Variants in RGL1 observed in about 807,000 individuals in gnomAD.
RGL1 encodes ral guanine nucleotide dissociation stimulator-like 1.
In RGL1, 24 loss-of-function variants were observed where a neutral mutation model predicts 95.2. The observed-to-expected ratio is 0.25, with a 90% CI of 0.18 to 0.35. The LOEUF is 0.35. Among genes scored for constraint, RGL1 ranks in the 10% least tolerant of loss-of-function variants. The probability of loss-of-function intolerance (pLI) is 1.00; values close to 1 mark genes in which losing one functional copy is unlikely to be tolerated. For missense variants in RGL1, 715 were observed against 936.3 expected (o/e 0.76, Z 3.08); for synonymous variants, 329 against 344.9 (o/e 0.95, Z 0.51).
chr1:183,913,955 A>G (rs1331374693), intron 15 of RGL1, among the ~76,000 whole-genome samples: 1 of 152,346 alleles, frequency 6.6e-6, no homozygotes, highest in South Asian at 2.1e-4. Context: ...CGGACTGGCC[A>G]TGCTCTCAAA....
intron 5 of RGL1, among the ~76,000 whole-genome samples, chr1:183,882,276 G>T (rs1247867645): frequency 1.3e-5 from 2 of 152,198 alleles, no homozygotes; most frequent in African/African-American, 4.8e-5. Context: ...GACACACATT[G>T]GGCTGCTGTG....
intron 14 of RGL1, among the ~76,000 whole-genome samples, chr1:183,911,678 G>A (rs1668649355): frequency 6.6e-6 from 1 of 152,152 alleles, no homozygotes; most frequent in African/African-American, 2.4e-5. Context: ...CAGATTGTTG[G>A]AAATAGAAGT....
At chr1:183,851,018 A>G (rs1421189082) in intron 3 of RGL1, among the ~76,000 whole-genome samples, 4 of 152,198 alleles carry the variant, frequency 2.6e-5, no homozygotes, top group Non-Finnish European at 4.4e-5. Context: ...ACTCATGTAC[A>G]TCCAGATTTT....
intron 2 of RGL1, among the ~76,000 whole-genome samples, chr1:183,815,600 TA>T: frequency 6.6e-6 from 1 of 152,260 alleles, no homozygotes; most frequent in South Asian, 2.1e-4. Context: ...GGAGGTAGCT[TA>T]GCACAGTGGT....
chr1:183,897,930 A>C, intron 10 of RGL1, 33 bp downstream of exon 10: 104 of 1,581,050 alleles, frequency 6.6e-5, no homozygotes, highest in Non-Finnish European at 8.5e-5. Flanking sequence ...CTGACAGCTC[A>C]CAGAGGAGAA....
At chr1:183,668,256 C>T (rs1652181198) in intron 1 of RGL1, among the ~76,000 whole-genome samples, 1 of 152,120 alleles carries the variant, frequency 6.6e-6, no homozygotes, top group Admixed American at 6.6e-5. Flanking sequence ...CAAATTCTCT[C>T]AATTTTTGCC....
chr1:183,877,368 T>C (rs1264805848), intron 4 of RGL1, among the ~76,000 whole-genome samples: 1 of 152,276 alleles, frequency 6.6e-6, no homozygotes, highest in East Asian at 1.9e-4. Flanking sequence ...CCAGTAATCC[T>C]GTTTTTCTTT....
At chr1:183,721,664 G>T (rs769470250) in intron 1 of RGL1, among the ~76,000 whole-genome samples, 1 of 152,194 alleles carries the variant, frequency 6.6e-6, no homozygotes, top group Non-Finnish European at 1.5e-5. Context: ...AGGCACCCTT[G>T]TGCCTGTTGT....
At chr1:183,642,489 T>C (rs1649992493) in intron 1 of RGL1, among the ~76,000 whole-genome samples, 1 of 152,228 alleles carries the variant, frequency 6.6e-6, no homozygotes, top group South Asian at 2.1e-4. Context: ...TTCCAAATTA[T>C]AATACTTACT....
chr1:183,924,474 G>C (rs374642102), intron 17 of RGL1, among the ~76,000 whole-genome samples: 23 of 152,216 alleles, frequency 1.5e-4, no homozygotes, highest in South Asian at 6.2e-4. Context: ...GGGCCTGTTG[G>C]GGGGTGGAAG....
At chr1:183,900,327 G>C in intron 11 of RGL1, 91 bp downstream of exon 11, 4 of 987,080 alleles carry the variant, frequency 4.1e-6, no homozygotes, top group Non-Finnish European at 4.8e-6. Context: ...TCTTTTGAAG[G>C]TCCAAAAGTA....
intron 1 of RGL1, among the ~76,000 whole-genome samples, chr1:183,660,010 G>C (rs564835136): frequency 3.0e-4 from 46 of 151,982 alleles, no homozygotes; most frequent in African/African-American, 9.7e-4. Flanking sequence ...CAAATGCTGA[G>C]AGATTTTGTC....
At chr1:183,728,559 C>T (rs1656440984) in intron 1 of RGL1, among the ~76,000 whole-genome samples, 1 of 75,416 alleles carries the variant, frequency 1.3e-5, no homozygotes, top group African/African-American at 6.1e-5. Context: ...ATTGGAAGAC[C>T]TGAAATTGTG....
intron 1 of RGL1, among the ~76,000 whole-genome samples, chr1:183,727,540 A>G (rs1395041617): frequency 2.6e-5 from 4 of 152,312 alleles, no homozygotes; most frequent in African/African-American, 4.8e-5. Context: ...CCCTAAGATC[A>G]AGTAGACAAG....
At chr1:183,828,518 C>G (rs901828490) in intron 2 of RGL1, among the ~76,000 whole-genome samples, 1 of 152,178 alleles carries the variant, frequency 6.6e-6, no homozygotes, top group Non-Finnish European at 1.5e-5. Flanking sequence ...GCTGCTCCTT[C>G]CGTGAGGCTT....
At chr1:183,708,255 C>A (rs572145549) in intron 1 of RGL1, among the ~76,000 whole-genome samples, 1 of 152,036 alleles carries the variant, frequency 6.6e-6, no homozygotes, top group East Asian at 1.9e-4. Context: ...AGGGTAGGCT[C>A]GGGAGAACAG....
At chr1:183,794,217 C>T (rs973959014) in intron 2 of RGL1, among the ~76,000 whole-genome samples, 1 of 152,068 alleles carries the variant, frequency 6.6e-6, no homozygotes, top group African/African-American at 2.4e-5. Flanking sequence ...TGTTCTCACT[C>T]ATGTGGGAGC....
chr1:183,805,140 C>T lies in RGL1; in HGVS notation c.-158C>T, dbSNP rs1661196739. 2.1e-6 allele frequency: 2 copies of T among 952,814 alleles called. No individual in the cohort carries two copies. The highest frequency in any genetic ancestry group is 1.4e-6 in the Non-Finnish European group (1 of 720,224). 59.0% of individuals were successfully genotyped at this position (952,814 alleles called of 1,614,324 possible). On this transcript the variant is annotated 5_prime_UTR_variant, in exon 1 of 18. Transcript: ENST00000360851. ...CCTTTGTGGCCCGAGTCGCGCGCAC[C>T]GGCGGCGGCGGGGGCAGCGCGGCGC...
chr1:183,648,205 T>C lies in RGL1; in HGVS notation c.-33+11704T>C, dbSNP rs868465234. 6 of 1,614,150 alleles carry C rather than the reference T, an allele frequency of 3.7e-6. No homozygotes were observed. The Middle Eastern group carries it at 9.9e-4, about 266-fold the overall frequency. ...AAGCTGTGGAGAACAGAATGCCAGA[T>C]CCCACCACTTATTGGACTCAAAACA... On this transcript the variant is annotated intron_variant, in intron 1 of 18. Transcript: ENST00000304685.
Sources: allele counts gnomAD v4.1 joint callset (sites outside exome capture counted in the v4.1 genomes callset), GRCh38; gene constraint gnomAD v4.1.1; transcripts MANE v1.5; gene names NCBI Gene and HGNC (gene_info 2026-07-23, HGNC 2026-07-21).